VPS53: variants seen among roughly 807,000 people sequenced by gnomAD.
The protein encoded by VPS53 is VPS53 subunit of GARP complex.
A neutral mutation model predicts 107.0 loss-of-function variants in VPS53; 70 were observed. The observed-to-expected ratio is 0.65, with a 90% CI of 0.54 to 0.80. The LOEUF is 0.80. Ranked by LOEUF, VPS53 falls within the 30% of genes least tolerant of loss-of-function variation. The pLI is 0.00. For synonymous variants in VPS53, 409 were observed against 393.3 expected (o/e 1.04, Z -0.47); for missense variants, 917 against 1,049.4 (o/e 0.87, Z 1.74).
At chr17:663,122 G>C (rs1183884759) in intron 4 of VPS53, among the ~76,000 whole-genome samples, 3 of 152,114 alleles carry the variant, frequency 2.0e-5, no homozygotes, top group Non-Finnish European at 4.4e-5. Flanking sequence ...AAGATTACTT[G>C]AGCCTGGGAG....
intron 4 of VPS53, among the ~76,000 whole-genome samples, chr17:666,961 G>T (rs747413938): frequency 3.5e-4 from 54 of 152,176 alleles, no homozygotes; most frequent in Non-Finnish European, 7.1e-4. Flanking sequence ...TTGACAACAG[G>T]GAAGTTGTTG....
chr17:515,956 C>CTTTTTTTTTTTTT lies in VPS53; in HGVS notation c.*3159_*3171dup, dbSNP rs11361535. ...ATTACAGGCACCCGCCACCTGCCTG[C>CTTTTTTTTTTTTT]TTTTTTTTTTTTTTTTTTTGTATTT... is the stretch of plus-strand genomic sequence containing the variant. On this transcript the variant is annotated 3_prime_UTR_variant, in exon 22 of 22. Coordinates refer to ENST00000437048, the MANE Select transcript of VPS53 (RefSeq NM_001128159.3). The CTTTTTTTTTTTTT allele has an allele frequency of 1.0e-4, 11 of 109,590 alleles. No individual in the cohort carries two copies. The highest frequency in any genetic ancestry group is 4.1e-4 in the African/African-American group (10 of 24,120). The allele number at this position is 109,590 out of a possible 1,614,324, so 6.8% of individuals were successfully genotyped here.
At chr17:553,574 C>A (rs1030917094) in intron 15 of VPS53, 112 bp from the exon 16 acceptor site, 7 of 553,106 alleles carry the variant, frequency 1.3e-5, no homozygotes, top group Non-Finnish European at 2.1e-5. Context: ...ATTCCATACA[C>A]TTTTTTTTTT....
chr17:697,098 C>T (rs953349328), intron 4 of VPS53, among the ~76,000 whole-genome samples: 5 of 152,200 alleles, frequency 3.3e-5, no homozygotes, highest in African/African-American at 7.2e-5. Flanking sequence ...ACTCAGCTGA[C>T]GAATGCAGCA....
intron 11 of VPS53, among the ~76,000 whole-genome samples, chr17:606,998 T>G (rs1404259616): frequency 6.6e-6 from 1 of 151,628 alleles, no homozygotes; most frequent in Non-Finnish European, 1.5e-5. Flanking sequence ...ATGAAACTAA[T>G]GATGCATTTC....
chr17:635,697 A>C (rs1460610452), intron 7 of VPS53, among the ~76,000 whole-genome samples: 3 of 152,212 alleles, frequency 2.0e-5, no homozygotes, highest in Non-Finnish European at 4.4e-5. Flanking sequence ...GTCAAAGATC[A>C]GATGGTTGTA....
intron 11 of VPS53, among the ~76,000 whole-genome samples, chr17:611,832 C>T (rs941870391): frequency 1.3e-5 from 2 of 152,086 alleles, no homozygotes; most frequent in Non-Finnish European, 2.9e-5. Flanking sequence ...ATAGTGAATT[C>T]ACACAGTGAA....
chr17:522,008 C>A (rs917106273), intron 19 of VPS53, among the ~76,000 whole-genome samples: 1 of 152,194 alleles, frequency 6.6e-6, no homozygotes, highest in Non-Finnish European at 1.5e-5. Context: ...AATCCCAGCA[C>A]TTCAGGAGGG....
At chr17:632,233 G>T (rs1416937502) in intron 7 of VPS53, among the ~76,000 whole-genome samples, 4 of 152,126 alleles carry the variant, frequency 2.6e-5, no homozygotes, top group African/African-American at 9.7e-5. Flanking sequence ...GGGTGACAGA[G>T]GGAGACCTTG....
At chr17:692,998 G>A (rs972430856) in intron 4 of VPS53, among the ~76,000 whole-genome samples, 3 of 152,182 alleles carry the variant, frequency 2.0e-5, no homozygotes, top group African/African-American at 7.2e-5. Context: ...GCCAGGCGTG[G>A]TGGTGCATGC....
chr17:689,084 A>T (rs1972690283), intron 4 of VPS53, among the ~76,000 whole-genome samples: 1 of 152,166 alleles, frequency 6.6e-6, no homozygotes, highest in Non-Finnish European at 1.5e-5. Context: ...TTTTTTTCCA[A>T]ACTATTTGTG....
chr17:697,294 C>G, intron 4 of VPS53, 124 bp downstream of exon 4: 1 of 836,126 alleles, frequency 1.2e-6, no homozygotes, highest in Non-Finnish European at 2.0e-6. Flanking sequence ...CCTGTCTTGT[C>G]CTGCCATGTA....
intron 7 of VPS53, among the ~76,000 whole-genome samples, chr17:637,397 G>C (rs573198904): frequency 1.3e-4 from 20 of 152,002 alleles, no homozygotes; most frequent in Non-Finnish European, 2.8e-4. Flanking sequence ...TTTTTGAAGG[G>C]TTTTTTGTGT....
intron 2 of VPS53, among the ~76,000 whole-genome samples, chr17:702,597 C>T (rs540494359): frequency 7.9e-5 from 12 of 152,086 alleles, no homozygotes; most frequent in Non-Finnish European, 2.9e-5. Flanking sequence ...ACCCAGGAAG[C>T]AGAGGTTGCG....
chr17:656,339 C>G (rs550992239), intron 5 of VPS53, among the ~76,000 whole-genome samples: 1 of 152,264 alleles, frequency 6.6e-6, no homozygotes, highest in African/African-American at 2.4e-5. Flanking sequence ...TATAAAACAC[C>G]TATCAGTCAG....
At chr17:610,225 G>A (rs1251829696) in intron 11 of VPS53, among the ~76,000 whole-genome samples, 1 of 151,424 alleles carries the variant, frequency 6.6e-6, no homozygotes, top group East Asian at 1.9e-4. Flanking sequence ...ATAAAAGTGA[G>A]AAAAAACTAA....
chr17:551,998 T>C, intron 16 of VPS53, 48 bp from the exon 17 acceptor site: 3 of 1,486,546 alleles, frequency 2.0e-6, no homozygotes, highest in Non-Finnish European at 2.7e-6. Context: ...ACAACGGCCG[T>C]CTGAATGACT....
chr17:546,923 G>A (rs1363623923), intron 17 of VPS53, among the ~76,000 whole-genome samples: 1 of 144,108 alleles, frequency 6.9e-6, no homozygotes, highest in Non-Finnish European at 1.5e-5. Flanking sequence ...CACCCAGGCT[G>A]GAGTGCAGTG....
At chr17:687,190 C>A (rs1972616088) in intron 4 of VPS53, among the ~76,000 whole-genome samples, 1 of 151,876 alleles carries the variant, frequency 6.6e-6, no homozygotes, top group African/African-American at 2.4e-5. Flanking sequence ...GAGGCTGAGG[C>A]AGGGAGAATC....
Sources: allele counts gnomAD v4.1 joint callset (sites outside exome capture counted in the v4.1 genomes callset), GRCh38; gene constraint gnomAD v4.1.1; transcripts MANE v1.5; gene names NCBI Gene and HGNC (gene_info 2026-07-23, HGNC 2026-07-21).